The following EPHA6 variants were observed in gnomAD, a reference collection of about 807,000 sequenced individuals.
EPHA6 encodes EPH receptor A6, also known as ephrin type-A receptor 6.
EPHA6 carries 50 observed loss-of-function variants against 112.0 expected under a neutral mutation model. That is an observed-to-expected ratio of 0.45 (90% CI 0.36 to 0.56). The LOEUF is 0.56. Ranked by LOEUF, EPHA6 falls within the 20% of genes least tolerant of loss-of-function variation. The pLI, the probability that EPHA6 is intolerant of heterozygous loss-of-function variation, is 0.00. For missense variants in EPHA6, 1,280 were observed against 1,417.4 expected (o/e 0.90, Z 1.56); for synonymous variants, 529 against 490.7 (o/e 1.08, Z -1.03).
rs996040598 is a variant in EPHA6 at position 97,754,760 on chromosome 3, G to A, written c.*6059G>A. 6.6e-6 allele frequency among the ~76,000 whole-genome samples: 1 copy of A among 152,162 alleles called. No homozygotes were observed. Among genetic ancestry groups the A allele is most frequent in the Admixed American group, 6.5e-5 (1 of 15,286 alleles). On this transcript the variant is annotated 3_prime_UTR_variant, in exon 18 of 18. Coordinates refer to ENST00000389672, the MANE Select transcript of EPHA6 (RefSeq NM_001080448.3). ...GCTCTGTCGCCTAGGCTGGAGTGCA[G>A]TGGCGAGATCTCGGCTCACTGCTAA...
At chr3:97,534,473 T>G (rs1453535074) in intron 11 of EPHA6, among the ~76,000 whole-genome samples, 1 of 148,088 alleles carries the variant, frequency 6.8e-6, no homozygotes. Context: ...TTTTTTTTTT[T>G]GCTTTTGCTA....
rs79565562 is a variant in EPHA6 at position 97,651,075 on chromosome 3, G to A, written c.2784+12993G>A. On this transcript the variant is annotated intron_variant, in intron 14 of 17. Coordinates refer to ENST00000389672, the MANE Select transcript of EPHA6 (RefSeq NM_001080448.3). ...AATTTTATGTTTTACATTTTTGAAA[G>A]CTTCTCAACACCTACAGTAATATAC... is the stretch of plus-strand genomic sequence containing the variant. Among the ~76,000 whole-genome samples, 1,461 of 152,026 alleles carry A rather than the reference G, an allele frequency of 9.6e-3. 20 individuals are homozygous for A. Among genetic ancestry groups the A allele is most frequent in the African/African-American group, 0.034 (1,390 of 41,478 alleles).
At chr3:97,066,665 TC>T (rs1375222859) in intron 3 of EPHA6, among the ~76,000 whole-genome samples, 1 of 152,162 alleles carries the variant, frequency 6.6e-6, no homozygotes, top group Non-Finnish European at 1.5e-5. Context: ...ACAAGCAGCC[TC>T]ACTGGAGTCT....
At chr3:97,081,426 G>A (rs2108199478) in intron 3 of EPHA6, among the ~76,000 whole-genome samples, 1 of 151,978 alleles carries the variant, frequency 6.6e-6, no homozygotes, top group Middle Eastern at 3.4e-3. Flanking sequence ...AAGCTAATGT[G>A]CACCATGAAA....
At chr3:97,363,047 A>T (rs1186933715) in intron 5 of EPHA6, among the ~76,000 whole-genome samples, 4 of 149,716 alleles carry the variant, frequency 2.7e-5, no homozygotes, top group African/African-American at 9.8e-5. Flanking sequence ...TTAGTATAAG[A>T]GATAATGTGG....
chr3:97,046,561 A>G (rs2108070637), intron 3 of EPHA6, among the ~76,000 whole-genome samples: 1 of 152,332 alleles, frequency 6.6e-6, no homozygotes, highest in South Asian at 2.1e-4. Context: ...AAAACATTTA[A>G]GAATGGAAAG....
At chr3:97,246,883 G>T (rs1208230236) in intron 5 of EPHA6, among the ~76,000 whole-genome samples, 1 of 151,870 alleles carries the variant, frequency 6.6e-6, no homozygotes, top group African/African-American at 2.4e-5. Context: ...GTAATGTTAT[G>T]AACTATTCAA....
At chr3:97,100,187 G>A (rs1010194587) in intron 3 of EPHA6, among the ~76,000 whole-genome samples, 9 of 150,850 alleles carry the variant, frequency 6.0e-5, no homozygotes, top group Non-Finnish European at 1.2e-4. Context: ...AATCATAATA[G>A]AATAAGAAAT....
intron 14 of EPHA6, among the ~76,000 whole-genome samples, chr3:97,665,472 G>A (rs1166852012): frequency 2.6e-5 from 4 of 152,040 alleles, no homozygotes; most frequent in Non-Finnish European, 5.9e-5. Context: ...AGATTGATAA[G>A]GCAACAACAA....
intron 3 of EPHA6, among the ~76,000 whole-genome samples, chr3:97,203,204 G>T (rs774077987): frequency 6.6e-6 from 1 of 152,130 alleles, no homozygotes; most frequent in Non-Finnish European, 1.5e-5. Context: ...TCTGATCATA[G>T]TGTCAAAATT....
chr3:96,883,166 C>T (rs958415991), intron 2 of EPHA6, among the ~76,000 whole-genome samples: 14 of 152,176 alleles, frequency 9.2e-5, no homozygotes, highest in African/African-American at 3.4e-4. Flanking sequence ...GTTTAAATTT[C>T]CCTGATCATT....
intron 2 of EPHA6, among the ~76,000 whole-genome samples, chr3:96,921,052 T>C (rs184680533): frequency 5.3e-5 from 8 of 152,154 alleles, no homozygotes; most frequent in Admixed American, 4.6e-4. Context: ...AATAATACTG[T>C]CTTTGTTTAG....
intron 14 of EPHA6, among the ~76,000 whole-genome samples, chr3:97,683,582 G>A (rs1465180992): frequency 1.3e-5 from 2 of 152,108 alleles, no homozygotes; most frequent in South Asian, 4.2e-4. Flanking sequence ...AAATAAGCTT[G>A]TCATGGTTTA....
In EPHA6 at chr3:97,648,633, A is replaced by C. The variant is rs1326600439; in HGVS notation, c.2784+10551A>C. The C allele has an allele frequency of 4.5e-6, 5 of 1,105,242 alleles. No homozygotes were observed. The East Asian group carries it at 1.9e-4, about 41-fold the overall frequency. 68.5% of individuals were successfully genotyped at this position (1,105,242 alleles called of 1,614,324 possible). A position where few individuals can be genotyped will look rare whatever the true frequency, so the allele number is the denominator to read the frequency against. On this transcript the variant is annotated intron_variant, in intron 14 of 17. Transcript: ENST00000389672. ...AGTAAATGGGATTCGTCTGGAGATC[A>C]TGCTTAACCTTTTAGTAAAACATAC...
intron 2 of EPHA6, among the ~76,000 whole-genome samples, chr3:96,887,707 T>C (rs1279457430): frequency 6.6e-6 from 1 of 152,044 alleles, no homozygotes; most frequent in Non-Finnish European, 1.5e-5. Context: ...GGAAGGACCA[T>C]CAGGTCAGGG....
chr3:97,057,714 A>G (rs1407348434), intron 3 of EPHA6, among the ~76,000 whole-genome samples: 1 of 152,214 alleles, frequency 6.6e-6, no homozygotes, highest in Non-Finnish European at 1.5e-5. Context: ...ATATGTATAT[A>G]AGAGTGGGAT....
chr3:97,536,689 G>T (rs1295512656), intron 11 of EPHA6, among the ~76,000 whole-genome samples: 1 of 152,078 alleles, frequency 6.6e-6, no homozygotes. Context: ...TTTAGTACTT[G>T]CACAAAAACT....
At chr3:97,297,178 T>A (rs2080902101) in intron 5 of EPHA6, among the ~76,000 whole-genome samples, 2 of 152,120 alleles carry the variant, frequency 1.3e-5, no homozygotes, top group African/African-American at 4.8e-5. Flanking sequence ...CTTCTGGGGA[T>A]CTCTCACCAT....
At chr3:97,129,992 G>A (rs1049201936) in intron 3 of EPHA6, among the ~76,000 whole-genome samples, 21 of 152,168 alleles carry the variant, frequency 1.4e-4, no homozygotes, top group Admixed American at 3.3e-4. Flanking sequence ...AGCTCAAGGA[G>A]ATTAACTAGA....
Sources: allele counts gnomAD v4.1 joint callset (sites outside exome capture counted in the v4.1 genomes callset), GRCh38; gene constraint gnomAD v4.1.1; transcripts MANE v1.5; gene names NCBI Gene and HGNC (gene_info 2026-07-23, HGNC 2026-07-21).